Variants in ZNF333 observed in about 807,000 individuals in gnomAD.
ZNF333 encodes the protein zinc finger protein 333.
A neutral mutation model predicts 76.1 loss-of-function variants in ZNF333; 61 were observed. That is an observed-to-expected ratio of 0.80 (90% CI 0.65 to 0.99). The LOEUF is 0.99. Among genes scored for constraint, ZNF333 ranks in the 50% least tolerant of loss-of-function variants. ZNF333 has a pLI of 0.00. For synonymous variants in ZNF333, 284 were observed against 305.0 expected, an observed-to-expected ratio of 0.93 and a Z score of 0.72; for missense variants, 717 against 822.4, an observed-to-expected ratio of 0.87 and a Z score of 1.57.
intron 5 of ZNF333, among the ~76,000 whole-genome samples, 164 bp from the exon 6 acceptor site, chr19:14,704,890 A>G (rs1341276184): frequency 6.6e-6 from 1 of 152,054 alleles, no homozygotes; most frequent in Non-Finnish European, 1.5e-5. Flanking sequence ...GCAATTCTTC[A>G]CCTCAGCCTC....
chr19:14,730,075 T>C (rs62122589), intron 11 of ZNF333, among the ~76,000 whole-genome samples: 36,523 of 152,058 alleles, frequency 0.24, 4,473 homozygotes, highest in Non-Finnish European at 0.26. Flanking sequence ...TTTTTTGAGA[T>C]GGAGTCTCGC....
intron 4 of ZNF333, among the ~76,000 whole-genome samples, chr19:14,696,755 T>C (rs1973223678): frequency 1.2e-5 from 1 of 84,098 alleles, no homozygotes; most frequent in Admixed American, 1.2e-4. Flanking sequence ...TTTTTTTTTT[T>C]TGGGACAGAG....
chr19:14,708,599 C>G, intron 7 of ZNF333: 1 of 373,970 alleles, frequency 2.7e-6, no homozygotes, highest in Non-Finnish European at 4.8e-6. Context: ...GATAATGGGC[C>G]TGTTCACTCT....
intron 11 of ZNF333, among the ~76,000 whole-genome samples, chr19:14,727,743 T>C (rs183830714): frequency 2.0e-4 from 31 of 151,868 alleles, no homozygotes; most frequent in African/African-American, 7.3e-4. Context: ...ATTTACAAAC[T>C]TAAGAGTCCC....
Position 14,719,772 on chromosome 19 carries a change from G to A in ZNF333, c.*447G>A. The A allele has an allele frequency of 1.0e-6, 1 of 989,674 alleles. No homozygotes were observed. The highest frequency in any genetic ancestry group is 1.2e-6 in the Non-Finnish European group (1 of 832,910). The allele number at this position is 989,674 out of a possible 1,614,324, so 61.3% of individuals were successfully genotyped here. A position where few individuals can be genotyped will look rare whatever the true frequency, so the allele number is the denominator to read the frequency against. The stretch of plus-strand genomic sequence containing the variant: ...TGTTACTGAGTCATAGGTATTTGCT[G>A]AGATTTGCTATTAGGTCTGGTGTGG... On this transcript the variant is annotated 3_prime_UTR_variant, in exon 12 of 12. Coordinates refer to ENST00000292530, the MANE Select transcript of ZNF333 (RefSeq NM_032433.4).
At chr19:14,702,756 C>T (rs1420951777) in intron 5 of ZNF333, among the ~76,000 whole-genome samples, 1 of 152,174 alleles carries the variant, frequency 6.6e-6, no homozygotes, top group Non-Finnish European at 1.5e-5. Context: ...GTTGGGTCAT[C>T]TATAAAGGAT....
chr19:14,720,136 A>C lies in ZNF333; in HGVS notation c.*811A>C. 3.2e-6 allele frequency: 3 copies of C among 930,914 alleles called. No homozygotes were observed. The highest frequency in any genetic ancestry group is 3.8e-6 in the Non-Finnish European group (3 of 780,494). The allele number at this position is 930,914 out of a possible 1,614,324, so 57.7% of individuals were successfully genotyped here. On this transcript the variant is annotated 3_prime_UTR_variant, in exon 12 of 12. Transcript: ENST00000292530. Reference sequence around the variant, plus strand: ...AGGAGGCAGAGGTTGCAGTGAGCCGAGATTGCGCCACTGCACTCCAGCCTG... The same window carrying C: ...AGGAGGCAGAGGTTGCAGTGAGCCGCGATTGCGCCACTGCACTCCAGCCTG...
At chr19:14,693,727 G>A (rs1972941912) in intron 2 of ZNF333, among the ~76,000 whole-genome samples, 2 of 152,162 alleles carry the variant, frequency 1.3e-5, no homozygotes, top group South Asian at 4.1e-4. Context: ...GCTCTGAGCG[G>A]AGCTCCTCCA....
At chr19:14,701,135 G>C (rs2041945297) in intron 5 of ZNF333, among the ~76,000 whole-genome samples, 1 of 152,218 alleles carries the variant, frequency 6.6e-6, no homozygotes, top group Non-Finnish European at 1.5e-5. Context: ...TGGGTTTTGA[G>C]ACCTTGACTT....
intron 2 of ZNF333, among the ~76,000 whole-genome samples, chr19:14,694,205 G>A (rs1972993640): frequency 6.6e-6 from 1 of 152,294 alleles, no homozygotes; most frequent in South Asian, 2.1e-4. Context: ...GGGCGTGGTG[G>A]CTCATGCCTG....
rs2042641822 is a variant in ZNF333 at position 14,727,571 on chromosome 19, C to CTG, written c.901-3603_901-3602insGT. ...GAACTGACTTACAGCAAAGGGATTA[C>CTG]TAAACCATTCATGAGCGATTTGCCC... On this transcript the variant is annotated intron_variant, in intron 11 of 11. Transcript: ENST00000540689. Among the ~76,000 whole-genome samples, 4 of 152,024 alleles carry CTG rather than the reference C, an allele frequency of 2.6e-5. No individual in the cohort carries two copies. In the South Asian group the frequency reaches 8.3e-4, roughly 32 times the overall value.
Position 14,719,435 on chromosome 19 carries a change from T to C in ZNF333, c.*110T>C. The C allele has an allele frequency of 4.7e-6, 6 of 1,280,364 alleles. No homozygotes were observed. The highest frequency in any genetic ancestry group is 5.2e-6 in the Non-Finnish European group (5 of 955,118). 79.3% of individuals were successfully genotyped at this position (1,280,364 alleles called of 1,614,324 possible). A position where few individuals can be genotyped will look rare whatever the true frequency, so the allele number is the denominator to read the frequency against. The stretch of plus-strand genomic sequence containing the variant: ...TAATATTTTCATTTTGGTTTAATTG[T>C]AAGTATTGTCTTAACCTCCATTATC... On this transcript the variant is annotated 3_prime_UTR_variant, in exon 12 of 12. Transcript: ENST00000292530.
Position 14,721,020 on chromosome 19 carries a change from A to G in ZNF333, c.*1695A>G. On this transcript the variant is annotated 3_prime_UTR_variant, in exon 12 of 12. Transcript: ENST00000292530. ...CCTTTTCCCTATTACTGAACATTCAACCATTCATTGTAATGATAGTAAATA... is the reference window on the plus strand; with the variant it reads ...CCTTTTCCCTATTACTGAACATTCAGCCATTCATTGTAATGATAGTAAATA... 1.1e-6 allele frequency: 1 copy of G among 874,314 alleles called. No homozygotes were observed. Among genetic ancestry groups the G allele is most frequent in the Non-Finnish European group, 1.4e-6 (1 of 729,072 alleles). 54.2% of individuals were successfully genotyped at this position (874,314 alleles called of 1,614,324 possible).
chr19:14,694,917 G>A (rs1973060800), intron 2 of ZNF333, 93 bp from the exon 3 acceptor site: 1 of 1,574,936 alleles, frequency 6.3e-7, no homozygotes. Context: ...TGCCTGCTGT[G>A]TCTGAACATT....
At chr19:14,696,175 A>G (rs1973172036) in intron 4 of ZNF333, among the ~76,000 whole-genome samples, 1 of 152,180 alleles carries the variant, frequency 6.6e-6, no homozygotes, top group South Asian at 2.1e-4. Context: ...TGTCTCCAAA[A>G]AACAAAACAA....
chr19:14,729,177 T>C (rs933402169), intron 11 of ZNF333, among the ~76,000 whole-genome samples: 1 of 152,100 alleles, frequency 6.6e-6, no homozygotes, highest in Non-Finnish European at 1.5e-5. Flanking sequence ...GACTGAACCT[T>C]TGAAGAGAAA....
At chr19:14,701,961 G>T (rs1036590157) in intron 5 of ZNF333, 2 of 951,506 alleles carry the variant, frequency 2.1e-6, no homozygotes, top group Admixed American at 6.2e-5. Flanking sequence ...CAGCTGTCAG[G>T]TTCTACTGCC....
rs191217416 is a variant in ZNF333 at position 14,727,275 on chromosome 19, G to A, written c.901-3900G>A. 1.8e-3 allele frequency among the ~76,000 whole-genome samples: 267 copies of A among 152,166 alleles called. 1 individual carries two copies. Among genetic ancestry groups the A allele is most frequent in the South Asian group, 5.0e-3 (24 of 4,828 alleles). Reference sequence around the variant, plus strand: ...GATCTCCTGACCTTGTGATCCGCCCGCCTTGGCCTCCCAAAATGCTGGGAT... The same window carrying A: ...GATCTCCTGACCTTGTGATCCGCCCACCTTGGCCTCCCAAAATGCTGGGAT... On this transcript the variant is annotated intron_variant, in intron 11 of 11. Transcript: ENST00000540689.
intron 5 of ZNF333, among the ~76,000 whole-genome samples, chr19:14,703,504 T>C (rs967205728): frequency 6.6e-6 from 1 of 152,144 alleles, no homozygotes; most frequent in African/African-American, 2.4e-5. Context: ...AATGTACCCG[T>C]GGGATTTTGA....
Sources: allele counts gnomAD v4.1 joint callset (sites outside exome capture counted in the v4.1 genomes callset), GRCh38; gene constraint gnomAD v4.1.1; transcripts MANE v1.5; gene names NCBI Gene and HGNC (gene_info 2026-07-23, HGNC 2026-07-21).